The following CACNA2D3 variants were observed in gnomAD, a reference collection of about 807,000 sequenced individuals.
CACNA2D3 encodes voltage-dependent calcium channel subunit alpha-2/delta-3.
CACNA2D3 carries 60 observed loss-of-function variants against 160.6 expected under a neutral mutation model. The observed-to-expected ratio is 0.37, with a 90% confidence interval of 0.30 to 0.46. The LOEUF is 0.46. Among genes scored for constraint, CACNA2D3 ranks in the 20% least tolerant of loss-of-function variants. The pLI, the probability that CACNA2D3 is intolerant of heterozygous loss-of-function variation, is 1.00. For missense variants in CACNA2D3, 1,205 were observed against 1,365.0 expected (o/e 0.88, Z 1.85); for synonymous variants, 558 against 492.9 (o/e 1.13, Z -1.75).
At chr3:54,130,167 G>T (rs1299241388) in intron 2 of CACNA2D3, among the ~76,000 whole-genome samples, 6 of 152,178 alleles carry the variant, frequency 3.9e-5, no homozygotes, top group Admixed American at 3.9e-4. Flanking sequence ...CCAACTGCGG[G>T]GCCCTGGCTA....
At position 54,719,463 on chromosome 3, in the gene CACNA2D3, T is replaced by G. The variant is rs374525160; in HGVS notation, c.1168-33136T>G. ...TAATGTCATGGATTACATTGTTTGA[T>G]TTTCAAATGATAAAATAACTTTACA... On this transcript the variant is annotated intron_variant, in intron 11 of 37. Transcript: ENST00000474759. Among the ~76,000 whole-genome samples the G allele has an allele frequency of 3.7e-4, 57 of 152,132 alleles. 2 individuals are homozygous for G. In the South Asian group the frequency reaches 0.011, roughly 30 times the overall value.
intron 2 of CACNA2D3, among the ~76,000 whole-genome samples, chr3:54,152,396 A>G (rs1353806617): frequency 2.0e-5 from 3 of 151,670 alleles, no homozygotes; most frequent in Non-Finnish European, 4.4e-5. Flanking sequence ...TGCTCACTTA[A>G]AAAAAAATCC....
At chr3:54,479,921 G>C (rs1346612210) in intron 4 of CACNA2D3, among the ~76,000 whole-genome samples, 2 of 152,116 alleles carry the variant, frequency 1.3e-5, no homozygotes, top group African/African-American at 2.4e-5. Context: ...CTACTTAGTA[G>C]CCTGTTTTAC....
intron 33 of CACNA2D3, among the ~76,000 whole-genome samples, chr3:55,008,564 A>G (rs1214607227): frequency 6.6e-6 from 1 of 152,186 alleles, no homozygotes; most frequent in Admixed American, 6.5e-5. Flanking sequence ...CATTTGATGG[A>G]TAGTCACTGT....
In CACNA2D3 at chr3:55,003,341, A is replaced by G. The variant is rs116168979; in HGVS notation, c.2691-1422A>G. ...GGGAATGCCAGACTCCTTTGGCTAT[A>G]CCTTTCAAGCATGGGATAAGATGTT... On this transcript the variant is annotated intron_variant, in intron 31 of 37. Coordinates refer to ENST00000474759, the MANE Select transcript of CACNA2D3 (RefSeq NM_018398.3). Among the ~76,000 whole-genome samples, 499 of 152,268 alleles carry G rather than the reference A, an allele frequency of 3.3e-3. 4 individuals are homozygous for G. Among genetic ancestry groups the G allele is most frequent in the African/African-American group, 0.011 (471 of 41,562 alleles).
At chr3:54,761,862 T>C (rs1702086297) in intron 12 of CACNA2D3, among the ~76,000 whole-genome samples, 1 of 152,180 alleles carries the variant, frequency 6.6e-6, no homozygotes, top group South Asian at 2.1e-4. Flanking sequence ...TCAAACCAGC[T>C]GGCCTTTGTT....
Position 54,299,490 on chromosome 3 carries a change from T to C in CACNA2D3, c.205-20952T>C, listed in dbSNP as rs185629397. 2.8e-3 allele frequency among the ~76,000 whole-genome samples: 434 copies of C among 152,324 alleles called. 3 individuals carry two copies. The highest frequency in any genetic ancestry group is 9.6e-3 in the African/African-American group (401 of 41,570). The stretch of plus-strand genomic sequence containing the variant: ...ATGTTCCAGTCTTTTCCTTTTTCTC[T>C]GGTTAACCTTTTGTAGCCCATCACT... On this transcript the variant is annotated intron_variant, in intron 2 of 37. Coordinates refer to ENST00000474759, the MANE Select transcript of CACNA2D3 (RefSeq NM_018398.3).
intron 8 of CACNA2D3, among the ~76,000 whole-genome samples, chr3:54,574,700 A>G (rs1388997623): frequency 6.6e-6 from 1 of 152,232 alleles, no homozygotes; most frequent in Non-Finnish European, 1.5e-5. Context: ...TAAATTAACA[A>G]TATTATCATA....
intron 21 of CACNA2D3, 135 bp from the exon 22 acceptor site, chr3:54,885,146 C>T (rs1559616722): frequency 9.1e-6 from 7 of 765,620 alleles, no homozygotes; most frequent in Non-Finnish European, 6.6e-6. Flanking sequence ...AATAAACCTG[C>T]TGCTCCAAGG....
intron 14 of CACNA2D3, among the ~76,000 whole-genome samples, chr3:54,831,628 A>C (rs1703879841): frequency 6.6e-6 from 1 of 152,226 alleles, no homozygotes; most frequent in Non-Finnish European, 1.5e-5. Flanking sequence ...GTATTTGGGT[A>C]CTTTGCAGGT....
At chr3:54,246,984 A>C (rs542158682) in intron 2 of CACNA2D3, among the ~76,000 whole-genome samples, 1 of 152,324 alleles carries the variant, frequency 6.6e-6, no homozygotes, top group East Asian at 1.9e-4. Flanking sequence ...CTACATCAGC[A>C]CAACAAAAAG....
chr3:54,334,351 G>T (rs1356038455), intron 3 of CACNA2D3, among the ~76,000 whole-genome samples: 2 of 152,174 alleles, frequency 1.3e-5, no homozygotes, highest in Non-Finnish European at 1.5e-5. Context: ...CTCTCAAAGT[G>T]CTGGGATTAC....
At chr3:54,930,536 C>A (rs1405808952) in intron 27 of CACNA2D3, among the ~76,000 whole-genome samples, 6 of 152,306 alleles carry the variant, frequency 3.9e-5, no homozygotes, top group African/African-American at 9.6e-5. Context: ...AATGATCAAT[C>A]TATTGACAGC....
chr3:54,849,585 A>T (rs1244811161), intron 17 of CACNA2D3, among the ~76,000 whole-genome samples: 2 of 152,214 alleles, frequency 1.3e-5, no homozygotes, highest in Non-Finnish European at 2.9e-5. Flanking sequence ...AGGCATGGCT[A>T]GGAACAGCCA....
intron 35 of CACNA2D3, among the ~76,000 whole-genome samples, chr3:55,073,167 A>C (rs947660084): frequency 2.6e-5 from 4 of 151,986 alleles, no homozygotes; most frequent in African/African-American, 4.8e-5. Flanking sequence ...GATTCAGCCA[A>C]CTCTGACTCT....
intron 13 of CACNA2D3, among the ~76,000 whole-genome samples, chr3:54,768,804 C>G (rs1274918941): frequency 2.0e-5 from 3 of 152,188 alleles, no homozygotes; most frequent in Admixed American, 2.0e-4. Context: ...ATCAGGTTAT[C>G]CCTAAAATGA....
chr3:54,371,719 A>C (rs1434523042), intron 3 of CACNA2D3, among the ~76,000 whole-genome samples: 1 of 152,194 alleles, frequency 6.6e-6, no homozygotes, highest in Non-Finnish European at 1.5e-5. Context: ...AGGGCTCAGA[A>C]AACTTTGTGG....
intron 11 of CACNA2D3, among the ~76,000 whole-genome samples, chr3:54,703,076 T>A (rs1202280661): frequency 6.6e-6 from 1 of 152,076 alleles, no homozygotes; most frequent in Non-Finnish European, 1.5e-5. Context: ...GGGGCTTATA[T>A]GAGGGTGGAG....
chr3:54,227,220 CTA>C (rs1701689488), intron 2 of CACNA2D3, among the ~76,000 whole-genome samples: 1 of 152,038 alleles, frequency 6.6e-6, no homozygotes, highest in Non-Finnish European at 1.5e-5. Context: ...TGTGTAGGGG[CTA>C]TGTTTTCACG....
Sources: allele counts gnomAD v4.1 joint callset (sites outside exome capture counted in the v4.1 genomes callset), GRCh38; gene constraint gnomAD v4.1.1; transcripts MANE v1.5; gene names NCBI Gene and HGNC (gene_info 2026-07-23, HGNC 2026-07-21).